Variants in GALNTL5 observed in about 807,000 individuals in gnomAD.
The protein encoded by GALNTL5 is inactive polypeptide N-acetylgalactosaminyltransferase-like protein 5.
Under a neutral mutation model 51.0 loss-of-function variants are expected in GALNTL5, and 44 were observed. That is an observed-to-expected ratio of 0.86 (90% confidence interval 0.68 to 1.11). The LOEUF (loss-of-function observed/expected upper bound fraction) is 1.11. GALNTL5 is among the 50% of genes least tolerant of loss of function. GALNTL5 has a pLI of 0.00. For synonymous variants in GALNTL5, 192 were observed against 182.8 expected (o/e 1.05, Z -0.41); for missense variants, 528 against 531.8 (o/e 0.99, Z 0.07).
intron 3 of GALNTL5, among the ~76,000 whole-genome samples, chr7:151,980,094 A>T (rs1320220343): frequency 6.6e-6 from 1 of 151,830 alleles, no homozygotes; most frequent in Non-Finnish European, 1.5e-5. Flanking sequence ...TTACTGGAAT[A>T]TTTTTTTGAG....
At chr7:151,962,237 G>A (rs913500644) in intron 1 of GALNTL5, among the ~76,000 whole-genome samples, 3 of 151,492 alleles carry the variant, frequency 2.0e-5, no homozygotes, top group Admixed American at 6.6e-5. Flanking sequence ...TCCTGACCTC[G>A]TGATCCACCC....
chr7:152,018,227 G>A (rs1475800273), intron 8 of GALNTL5, among the ~76,000 whole-genome samples: 1 of 152,212 alleles, frequency 6.6e-6, no homozygotes, highest in African/African-American at 2.4e-5. Flanking sequence ...TGAACTTGCT[G>A]GGGCAAGAGT....
chr7:152,004,902 T>A (rs1429318026), intron 6 of GALNTL5, among the ~76,000 whole-genome samples: 2 of 152,364 alleles, frequency 1.3e-5, no homozygotes, highest in South Asian at 4.1e-4. Flanking sequence ...TGAATAGTGC[T>A]GTGATAAACA....
intron 7 of GALNTL5, among the ~76,000 whole-genome samples, chr7:152,011,879 T>C (rs762762285): frequency 1.1e-4 from 16 of 152,206 alleles, no homozygotes; most frequent in African/African-American, 3.9e-4. Context: ...CTTGCCATCA[T>C]GATGCTATGT....
intron 5 of GALNTL5, among the ~76,000 whole-genome samples, chr7:152,001,113 A>T (rs552368617): frequency 6.7e-6 from 1 of 149,764 alleles, no homozygotes; most frequent in East Asian, 2.0e-4. Flanking sequence ...GGGTTTCGCT[A>T]TGTTGGCCAG....
At chr7:152,007,674 T>C (rs1007870077) in intron 6 of GALNTL5, among the ~76,000 whole-genome samples, 153 bp from the exon 7 acceptor site, 2 of 152,096 alleles carry the variant, frequency 1.3e-5, no homozygotes, top group Non-Finnish European at 2.9e-5. Flanking sequence ...CGCCTCGGCC[T>C]CCCAAAGTGC....
rs575658831 is a variant in GALNTL5 at position 151,990,580 on chromosome 7, C to CAAAA, written c.658+3308_658+3311dup. ...TGGGCGACAGAGCGAGACTCCATCT[C>CAAAA]AAAAAAAAAAAAGCCCACTTTCTCT... is the stretch of plus-strand genomic sequence containing the variant. On this transcript the variant is annotated intron_variant, in intron 5 of 8. Transcript: ENST00000392800. Among the ~76,000 whole-genome samples the CAAAA allele has an allele frequency of 3.3e-3, 71 of 21,670 alleles. 19 individuals carry two copies. Among genetic ancestry groups the CAAAA allele is most frequent in the Non-Finnish European group, 5.5e-3 (70 of 12,824 alleles). The allele number at this position is 21,670 out of a possible 152,430, so 14.2% of individuals were successfully genotyped here. A position where few individuals can be genotyped will look rare whatever the true frequency, so the allele number is the denominator to read the frequency against.
At chr7:151,990,671 T>C (rs1314534415) in intron 5 of GALNTL5, among the ~76,000 whole-genome samples, 1 of 151,714 alleles carries the variant, frequency 6.6e-6, no homozygotes, top group African/African-American at 2.4e-5. Flanking sequence ...TGTGACTAAG[T>C]TTTAGCCATG....
chr7:151,980,791 G>C (rs1228286571), intron 3 of GALNTL5, among the ~76,000 whole-genome samples: 2 of 127,180 alleles, frequency 1.6e-5, no homozygotes, highest in Non-Finnish European at 3.1e-5. Context: ...TGTCGCCCAG[G>C]CTGGAGTGCA....
chr7:152,012,899 G>A (rs114163082), intron 7 of GALNTL5, among the ~76,000 whole-genome samples: 1,580 of 152,016 alleles, frequency 0.01, 26 homozygotes, highest in African/African-American at 0.037. Flanking sequence ...CCTGGATGGC[G>A]GGGCATCCAG....
At chr7:151,992,380 T>C (rs2081438348) in intron 5 of GALNTL5, among the ~76,000 whole-genome samples, 1 of 152,160 alleles carries the variant, frequency 6.6e-6, no homozygotes, top group African/African-American at 2.4e-5. Context: ...TTTTTCCCAG[T>C]TCTAGAGGCC....
At chr7:151,987,030 A>G (rs776429341) in intron 4 of GALNTL5, 129 bp from the exon 5 acceptor site, 204 of 794,214 alleles carry the variant, frequency 2.6e-4, no homozygotes, top group Non-Finnish European at 2.6e-4. Flanking sequence ...CCTGGCCCCA[A>G]AATTCTCTTT....
intron 5 of GALNTL5, among the ~76,000 whole-genome samples, chr7:151,998,883 A>T (rs2081535598): frequency 6.6e-6 from 1 of 152,230 alleles, no homozygotes; most frequent in South Asian, 2.1e-4. Flanking sequence ...TTAAAAAAAA[A>T]TTAACCAGAT....
intron 5 of GALNTL5, among the ~76,000 whole-genome samples, chr7:152,002,142 T>A (rs1374137964): frequency 6.6e-6 from 1 of 152,090 alleles, no homozygotes; most frequent in Non-Finnish European, 1.5e-5. Context: ...TAGCCTGGCA[T>A]GTTGGCAGGC....
intron 4 of GALNTL5, chr7:151,984,244 T>C (rs1179385764): frequency 2.0e-5 from 3 of 152,206 alleles, no homozygotes; most frequent in Non-Finnish European, 2.9e-5. Flanking sequence ...AGAATTGTGA[T>C]ACTAGCACTA....
chr7:152,013,086 AAC>A (rs1177937198), intron 7 of GALNTL5, among the ~76,000 whole-genome samples: 2 of 152,184 alleles, frequency 1.3e-5, no homozygotes, highest in African/African-American at 4.8e-5. Flanking sequence ...TAAGCAAATT[AAC>A]ACAGGAACGG....
intron 7 of GALNTL5, among the ~76,000 whole-genome samples, chr7:152,011,658 A>C (rs563927170): frequency 6.6e-6 from 1 of 152,314 alleles, no homozygotes; most frequent in East Asian, 1.9e-4. Context: ...CTGGTGTGAA[A>C]ACAAACCATA....
rs1470324353 is a variant in GALNTL5, at chr7:152,002,791, A to C, written c.736A>C (p.Lys246Gln). The change falls in exon 6 of 9, where the codon AAG becomes CAG. Residue 246 changes from lysine (K) to glutamine (Q), a missense_variant. Lys to Gln is a moderately conservative substitution (Grantham distance 53). Transcript: ENST00000392800. ...WLEPLLHAIA[K>Q]DPKMVVCPLI... ...GGAGCCCCTGCTGCATGCCATTGCC[A>C]AGGACCCCAAAATGGTGGTGTGCCC... The C allele has an allele frequency of 6.2e-7, 1 of 1,614,080 alleles. No homozygotes were observed. Among genetic ancestry groups the C allele is most frequent in the Non-Finnish European group, 8.5e-7 (1 of 1,180,032 alleles).
intron 5 of GALNTL5, among the ~76,000 whole-genome samples, chr7:151,998,780 A>AC (rs2081533128): frequency 7.8e-6 from 1 of 127,930 alleles, no homozygotes; most frequent in South Asian, 2.9e-4. Flanking sequence ...TAAAAAAAAA[A>AC]AAACAAAAAA....
Sources: gnomAD v4.1 joint callset for allele counts (sites outside exome capture counted in the v4.1 genomes callset) on GRCh38, gnomAD v4.1.1 for gene constraint, MANE v1.5 for transcripts, NCBI Gene and HGNC (gene_info 2026-07-23, HGNC 2026-07-21) for gene names.